Variants in EPHA6 observed in about 807,000 individuals in gnomAD.
EPHA6 encodes ephrin type-A receptor 6.
Under a neutral mutation model 112.0 loss-of-function variants are expected in EPHA6, and 50 were observed. That is an observed-to-expected ratio of 0.45 (90% CI 0.36 to 0.56). The LOEUF (loss-of-function observed/expected upper bound fraction) is 0.56. Ranked by LOEUF, EPHA6 falls within the 20% of genes least tolerant of loss-of-function variation. EPHA6 has a pLI of 0.00. For synonymous variants in EPHA6, 529 were observed against 490.7 expected (o/e 1.08, Z -1.03); for missense variants, 1,280 against 1,417.4 (o/e 0.90, Z 1.56).
intron 3 of EPHA6, among the ~76,000 whole-genome samples, chr3:97,086,672 ATTGT>A (rs2046910591): frequency 6.6e-6 from 1 of 152,030 alleles, no homozygotes; most frequent in South Asian, 2.1e-4. Context: ...GTTATATTTT[ATTGT>A]TTAACATTTT....
At chr3:97,746,835 C>A (rs2035734640) in intron 16 of EPHA6, among the ~76,000 whole-genome samples, 1 of 151,756 alleles carries the variant, frequency 6.6e-6, no homozygotes. Context: ...CTTATTCATG[C>A]AACTGAACTC....
intron 5 of EPHA6, among the ~76,000 whole-genome samples, chr3:97,365,955 CAGT>C (rs1342428830): frequency 6.6e-6 from 1 of 152,162 alleles, no homozygotes; most frequent in Non-Finnish European, 1.5e-5. Flanking sequence ...TTCAGCCACT[CAGT>C]GGAGTAAAAC....
intron 6 of EPHA6, among the ~76,000 whole-genome samples, chr3:97,411,814 A>G (rs2087734130): frequency 6.6e-6 from 1 of 152,106 alleles, no homozygotes; most frequent in Non-Finnish European, 1.5e-5. Context: ...TTAGATTTGA[A>G]CAAAAGTGGA....
chr3:97,698,217 G>C (rs1033424285), intron 14 of EPHA6, among the ~76,000 whole-genome samples: 1 of 152,112 alleles, frequency 6.6e-6, no homozygotes, highest in Non-Finnish European at 1.5e-5. Context: ...GGTCAGGCTG[G>C]TCTGGAACTC....
chr3:97,445,703 T>TA lies in EPHA6; in HGVS notation c.1732-2856dup, dbSNP rs533276984. 1.2e-3 allele frequency among the ~76,000 whole-genome samples: 183 copies of TA among 149,316 alleles called. No individual in the cohort carries two copies. In the South Asian group the frequency reaches 0.027, roughly 22 times the overall value. ...AGAACAGATATCAAATGTAATAGAT[T>TA]AAAAAAAAATAGAGGGGAAAAAGCC... On this transcript the variant is annotated intron_variant, in intron 6 of 17. Coordinates refer to ENST00000389672, the MANE Select transcript of EPHA6 (RefSeq NM_001080448.3).
At chr3:97,729,232 TTTAA>T (rs2034923852) in intron 15 of EPHA6, among the ~76,000 whole-genome samples, 3 of 152,100 alleles carry the variant, frequency 2.0e-5, no homozygotes. Flanking sequence ...TTTGATTGCT[TTTAA>T]TTGAGTTATA....
intron 3 of EPHA6, among the ~76,000 whole-genome samples, chr3:97,208,946 A>T (rs2077790413): frequency 6.6e-6 from 1 of 152,192 alleles, no homozygotes; most frequent in South Asian, 2.1e-4. Flanking sequence ...ATATTGTAGT[A>T]TATTATCTTT....
chr3:97,632,153 A>G (rs187139052), intron 13 of EPHA6, among the ~76,000 whole-genome samples: 106 of 152,198 alleles, frequency 7.0e-4, no homozygotes, highest in African/African-American at 2.5e-3. Context: ...AGAATCTCCT[A>G]TAGTAAATAT....
chr3:97,230,607 A>G (rs543454313), intron 4 of EPHA6, among the ~76,000 whole-genome samples: 1 of 152,302 alleles, frequency 6.6e-6, no homozygotes, highest in Admixed American at 6.5e-5. Flanking sequence ...TCTACGCTTC[A>G]TAGTTCTTAG....
At chr3:97,697,961 AAAAC>A (rs1479284822) in intron 14 of EPHA6, among the ~76,000 whole-genome samples, 3 of 152,190 alleles carry the variant, frequency 2.0e-5, no homozygotes, top group African/African-American at 4.8e-5. Flanking sequence ...TTTAAAGACA[AAAAC>A]AAAGCATTAA....
At chr3:97,497,523 C>G (rs2092011253) in intron 10 of EPHA6, among the ~76,000 whole-genome samples, 1 of 152,174 alleles carries the variant, frequency 6.6e-6, no homozygotes, top group Admixed American at 6.6e-5. Flanking sequence ...TTATTACCAA[C>G]TAACATGTAC....
intron 3 of EPHA6, among the ~76,000 whole-genome samples, chr3:97,080,195 CG>C (rs1559714863): frequency 1.3e-5 from 2 of 151,922 alleles, no homozygotes; most frequent in African/African-American, 2.4e-5. Flanking sequence ...CTGCACTTAC[CG>C]AAATAATGTA....
chr3:97,651,794 T>C (rs2094109144), intron 14 of EPHA6, among the ~76,000 whole-genome samples: 1 of 151,816 alleles, frequency 6.6e-6, no homozygotes. Flanking sequence ...ATCTTGCTTG[T>C]ACAGAAAAAA....
At chr3:96,883,699 T>C (rs2037454212) in intron 2 of EPHA6, among the ~76,000 whole-genome samples, 1 of 152,134 alleles carries the variant, frequency 6.6e-6, no homozygotes, top group Non-Finnish European at 1.5e-5. Flanking sequence ...AGAGTCTCAC[T>C]CTGTCACCAA....
intron 2 of EPHA6, among the ~76,000 whole-genome samples, chr3:96,941,391 C>T (rs1417860761): frequency 8.5e-5 from 13 of 152,062 alleles, no homozygotes; most frequent in South Asian, 2.1e-4. Context: ...TTGATCGCAT[C>T]GGCTCCTGAG....
At chr3:96,876,490 C>T (rs2107492759) in intron 2 of EPHA6, among the ~76,000 whole-genome samples, 1 of 151,334 alleles carries the variant, frequency 6.6e-6, no homozygotes, top group African/African-American at 2.4e-5. Context: ...CTTTCCAACC[C>T]ATCCCTCATC....
intron 3 of EPHA6, among the ~76,000 whole-genome samples, chr3:97,002,097 G>C (rs1316141930): frequency 6.6e-6 from 1 of 151,430 alleles, no homozygotes; most frequent in Non-Finnish European, 1.5e-5. Flanking sequence ...TTCAGGATTG[G>C]TTATTTTTTA....
rs2086543038 is a variant in EPHA6, at chr3:97,393,634, TCTTATCAAGCTA to T, written c.1607-11514_1607-11503del. Among the ~76,000 whole-genome samples, 3 of 151,730 alleles carry T rather than the reference TCTTATCAAGCTA, an allele frequency of 2.0e-5. No individual in the cohort carries two copies. The South Asian group carries it at 6.2e-4, about 31-fold the overall frequency. On this transcript the variant is annotated intron_variant, in intron 5 of 17. Transcript: ENST00000389672. Reference sequence around the variant, plus strand: ...CGTTTTCACAATTCTTTCACTAATGTCTTATCAAGCTACCAGCATCTCACTGGCATGGCAGGA... The same window carrying T: ...CGTTTTCACAATTCTTTCACTAATGTCCAGCATCTCACTGGCATGGCAGGA...
intron 2 of EPHA6, among the ~76,000 whole-genome samples, chr3:96,868,636 A>G (rs993341528): frequency 2.0e-5 from 3 of 152,066 alleles, no homozygotes. Context: ...CACTAATTCA[A>G]TTGATTTTAC....
Sources: gnomAD v4.1 joint callset for allele counts (sites outside exome capture counted in the v4.1 genomes callset) on GRCh38, gnomAD v4.1.1 for gene constraint, MANE v1.5 for transcripts, NCBI Gene and HGNC (gene_info 2026-07-23, HGNC 2026-07-21) for gene names.